Variants in PPA2 observed in about 807,000 individuals in gnomAD.
The protein encoded by PPA2 is inorganic pyrophosphatase 2, mitochondrial.
In PPA2, 48 loss-of-function variants were observed where a neutral mutation model predicts 49.5. That is an observed-to-expected ratio of 0.97 (90% CI 0.77 to 1.23). The LOEUF (loss-of-function observed/expected upper bound fraction) is 1.23. Ranked by LOEUF, PPA2 falls within the 50% of genes most tolerant of loss-of-function variation. The pLI, the probability that PPA2 is intolerant of heterozygous loss-of-function variation, is 0.00. For missense variants in PPA2, 429 were observed against 410.1 expected (o/e 1.05, Z -0.40); for synonymous variants, 131 against 139.9 (o/e 0.94, Z 0.45).
Position 105,369,669 on chromosome 4 carries a change from A to G in PPA2, c.*56T>C. 1 of 876,230 alleles carries G rather than the reference A, an allele frequency of 1.1e-6. No individual in the cohort carries two copies. The highest frequency in any genetic ancestry group is 5.5e-5 in the East Asian group (1 of 18,264). 54.3% of individuals were successfully genotyped at this position (876,230 alleles called of 1,614,324 possible). A position where few individuals can be genotyped will look rare whatever the true frequency, so the allele number is the denominator to read the frequency against. ...AATGCTCATAGACCCCCTTGTCTCTAGCACTTGGAGTCCTTAGAGATGGGA... is the reference window on the plus strand; with the variant it reads ...AATGCTCATAGACCCCCTTGTCTCTGGCACTTGGAGTCCTTAGAGATGGGA... On this transcript the variant is annotated 3_prime_UTR_variant, in exon 12 of 12. Transcript: ENST00000341695.
At chr4:105,455,608 G>C (rs1323642420) in intron 2 of PPA2, among the ~76,000 whole-genome samples, 1 of 152,160 alleles carries the variant, frequency 6.6e-6, no homozygotes, top group Non-Finnish European at 1.5e-5. Flanking sequence ...ACACAGTGCT[G>C]GCTAAGTACC....
intron 7 of PPA2, chr4:105,423,255 C>G (rs1222123851): frequency 6.6e-6 from 1 of 152,058 alleles, no homozygotes; most frequent in African/African-American, 2.4e-5. Context: ...AAAAAGAAAT[C>G]TCTTCCTGTT....
intron 7 of PPA2, among the ~76,000 whole-genome samples, chr4:105,407,998 T>C (rs1248275947): frequency 6.6e-6 from 1 of 152,208 alleles, no homozygotes; most frequent in Non-Finnish European, 1.5e-5. Context: ...ATGTAATTTA[T>C]ACCTCAAAGT....
chr4:105,454,299 C>CTGT (rs777684225), intron 2 of PPA2, among the ~76,000 whole-genome samples: 1 of 101,466 alleles, frequency 9.9e-6, no homozygotes. Context: ...GTTTTTGCTG[C>CTGT]TGCTGTTGTT....
At chr4:105,444,571 G>A (rs1273426120) in intron 5 of PPA2, among the ~76,000 whole-genome samples, 4 of 152,262 alleles carry the variant, frequency 2.6e-5, no homozygotes, top group African/African-American at 9.6e-5. Context: ...CAGAACATCT[G>A]GAAATCCAGA....
intron 3 of PPA2, 104 bp downstream of exon 3, chr4:105,453,494 C>T (rs1722751284): frequency 2.5e-6 from 2 of 808,468 alleles, no homozygotes; most frequent in South Asian, 2.8e-5. Context: ...GAAAGTCTTG[C>T]AGGGGTAAAA....
chr4:105,377,265 C>G (rs957017479), intron 10 of PPA2, among the ~76,000 whole-genome samples: 2 of 152,132 alleles, frequency 1.3e-5, no homozygotes, highest in African/African-American at 2.4e-5. Flanking sequence ...AGGGATTTCT[C>G]TCTCTTTGAT....
intron 1 of PPA2, among the ~76,000 whole-genome samples, chr4:105,459,560 C>G (rs1056155619): frequency 6.6e-6 from 1 of 152,158 alleles, no homozygotes; most frequent in African/African-American, 2.4e-5. Context: ...AGAAATCCCA[C>G]TAAGTATTTA....
chr4:105,404,134 T>A lies in PPA2; in HGVS notation c.656-4970A>T, dbSNP rs574144486. Reference sequence around the variant, plus strand: ...AATTTAGAGAAAGTATGAGACCTATTTAATCTAGAGACATATTAAAACAAT... The same window carrying A: ...AATTTAGAGAAAGTATGAGACCTATATAATCTAGAGACATATTAAAACAAT... On this transcript the variant is annotated intron_variant, in intron 7 of 11. Coordinates refer to ENST00000341695, the MANE Select transcript of PPA2 (RefSeq NM_176869.3). Among the ~76,000 whole-genome samples, 6 of 152,006 alleles carry A rather than the reference T, an allele frequency of 3.9e-5. No individual in the cohort carries two copies. In the East Asian group the frequency reaches 1.2e-3, roughly 29 times the overall value.
chr4:105,379,630 A>ATT (rs70964652), intron 10 of PPA2, among the ~76,000 whole-genome samples: 5,643 of 127,602 alleles, frequency 0.044, 455 homozygotes, highest in African/African-American at 0.16. Flanking sequence ...CGCCTGGCTA[A>ATT]TTTTTTTTTT....
chr4:105,419,370 A>C (rs1723152556), intron 7 of PPA2, among the ~76,000 whole-genome samples: 1 of 151,960 alleles, frequency 6.6e-6, no homozygotes, highest in South Asian at 2.1e-4. Flanking sequence ...ATGTATTCTC[A>C]CTGTTCAACT....
At chr4:105,469,732 T>A (rs903691128) in intron 1 of PPA2, among the ~76,000 whole-genome samples, 1 of 152,208 alleles carries the variant, frequency 6.6e-6, no homozygotes, top group Non-Finnish European at 1.5e-5. Flanking sequence ...AAAAATCAAA[T>A]AAAATACTTT....
intron 11 of PPA2, 38 bp from the exon 12 acceptor site, chr4:105,369,791 G>T: frequency 1.3e-6 from 2 of 1,533,334 alleles, no homozygotes; most frequent in East Asian, 4.5e-5. Flanking sequence ...TTAGGGAAGG[G>T]ATAAGAGGAG....
chr4:105,403,623 T>C (rs1401960259), intron 7 of PPA2, among the ~76,000 whole-genome samples: 3 of 152,170 alleles, frequency 2.0e-5, no homozygotes, highest in Non-Finnish European at 4.4e-5. Context: ...TAAGGTTCCA[T>C]TGGGTTTTTC....
chr4:105,448,059 T>G, intron 4 of PPA2: 1 of 405,934 alleles, frequency 2.5e-6, no homozygotes, highest in Admixed American at 2.8e-5. Flanking sequence ...AAGTTAGTTT[T>G]CTATCATGTA....
At chr4:105,392,016 AAAAT>A (rs143539909) in intron 9 of PPA2, among the ~76,000 whole-genome samples, 14,190 of 152,168 alleles carry the variant, frequency 0.093, 776 homozygotes, top group Non-Finnish European at 0.13. Context: ...CAGATGGATC[AAAAT>A]AAATAATGAT....
chr4:105,473,993 A>G lies in PPA2; in HGVS notation c.58T>C (p.Leu20=), dbSNP rs748041656. ...TGAPAAACLR[L]GTSAGTGSRR... Reference sequence around the variant, plus strand: ...GACCCGGTCCCTGCACTGGTCCCCAACCGCAGGCACGCAGCGGCTGGGGCA... The same window carrying G: ...GACCCGGTCCCTGCACTGGTCCCCAGCCGCAGGCACGCAGCGGCTGGGGCA... Residue 20 remains leucine, a synonymous_variant, in exon 1 of 12, where the codon TTG becomes CTG. Coordinates refer to ENST00000341695, the MANE Select transcript of PPA2 (RefSeq NM_176869.3). 1.9e-6 allele frequency: 3 copies of G among 1,607,906 alleles called. No individual in the cohort carries two copies. Among genetic ancestry groups the G allele is most frequent in the South Asian group, 1.1e-5 (1 of 90,408 alleles).
chr4:105,470,649 C>T (rs190478578), intron 1 of PPA2, among the ~76,000 whole-genome samples: 1 of 152,208 alleles, frequency 6.6e-6, no homozygotes, highest in South Asian at 2.1e-4. Flanking sequence ...AGTCTAATGT[C>T]TTAAAGTCAA....
chr4:105,473,681 T>G, intron 1 of PPA2: 7 of 812,254 alleles, frequency 8.6e-6, no homozygotes, highest in Admixed American at 1.8e-5. Flanking sequence ...GCTCTCCGCT[T>G]TGGGGTCTTG....
Sources: gnomAD v4.1 joint callset for allele counts (sites outside exome capture counted in the v4.1 genomes callset) on GRCh38, gnomAD v4.1.1 for gene constraint, MANE v1.5 for transcripts, NCBI Gene and HGNC (gene_info 2026-07-23, HGNC 2026-07-21) for gene names.